SLC25A51: variants seen among roughly 807,000 people sequenced by gnomAD.
SLC25A51 encodes mitochondrial nicotinamide adenine dinucleotide transporter SLC25A51.
In SLC25A51, 11 loss-of-function variants were observed where a neutral mutation model predicts 19.1. That is an observed-to-expected ratio of 0.58 (90% CI 0.36 to 0.96). SLC25A51 has a LOEUF of 0.96. Ranked by LOEUF, SLC25A51 falls within the 40% of genes least tolerant of loss-of-function variation. The pLI is 0.01. For missense variants in SLC25A51, 201 were observed against 365.4 expected (o/e 0.55, Z 3.67); for synonymous variants, 105 against 133.6 (o/e 0.79, Z 1.47).
chr9:37,898,781 CTG>C (rs796839133), intron 2 of SLC25A51, among the ~76,000 whole-genome samples: 5 of 152,140 alleles, frequency 3.3e-5, no homozygotes, highest in African/African-American at 9.6e-5. Flanking sequence ...ATAAGTCAAA[CTG>C]AGAGAATTTT....
In SLC25A51 at chr9:37,901,177, A is replaced by T. The variant is rs7860839; in HGVS notation, c.-164-1227T>A. On this transcript the variant is annotated intron_variant, in intron 1 of 2. Coordinates refer to ENST00000242275, the MANE Select transcript of SLC25A51 (RefSeq NM_033412.4). ...CATGCTCACCTAGTTTAAAAAAAAA[A>T]TTTTTTTTTTGAGACAGAGTCTCAC... Among the ~76,000 whole-genome samples the T allele has an allele frequency of 5.6e-3, 828 of 148,318 alleles. 6 individuals carry two copies. Among genetic ancestry groups the T allele is most frequent in the African/African-American group, 0.019 (781 of 40,266 alleles).
exon 4 of SLC25A51, chr9:37,880,058 G>T (rs1013225680): frequency 6.6e-6 from 1 of 152,348 alleles, no homozygotes; most frequent in Non-Finnish European, 1.5e-5. Context: ...GGCGGCTCAC[G>T]CCTGTAATCC....
At chr9:37,900,508 C>A (rs1276513320) in intron 1 of SLC25A51, among the ~76,000 whole-genome samples, 2 of 151,886 alleles carry the variant, frequency 1.3e-5, no homozygotes, top group South Asian at 2.1e-4. Flanking sequence ...TACGGTGGTA[C>A]GATCATGGCT....
chr9:37,893,419 A>G (rs1831642192), intron 2 of SLC25A51, among the ~76,000 whole-genome samples: 2 of 152,186 alleles, frequency 1.3e-5, no homozygotes, highest in South Asian at 4.1e-4. Context: ...CTGCAGGCCC[A>G]AAGTCTACCC....
At chr9:37,902,634 T>A (rs919375693) in intron 1 of SLC25A51, among the ~76,000 whole-genome samples, 1 of 152,268 alleles carries the variant, frequency 6.6e-6, no homozygotes, top group Admixed American at 6.5e-5. Flanking sequence ...TATATTTTTA[T>A]TCATTAATGT....
downstream of SLC25A51, chr9:37,885,735 C>T (rs190963078): frequency 9.6e-6 from 14 of 1,458,860 alleles, no homozygotes; most frequent in South Asian, 2.3e-5. Context: ...GATGAAGAAC[C>T]GCAGATCCAT....
intron 2 of SLC25A51, among the ~76,000 whole-genome samples, chr9:37,897,562 T>C (rs78762428): frequency 0.023 from 3,528 of 152,084 alleles, 55 homozygotes; most frequent in Non-Finnish European, 0.035. Flanking sequence ...TCTTTTATAA[T>C]ATGTGTAATT....
chr9:37,888,531 T>C lies in SLC25A51; in HGVS notation c.20A>G (p.His7Arg). The part of the protein sequence containing the change: MMDSEA[H>R]EKRPPILTSS... ...TGTTAGTATTGGTGGCCTCTTTTCATGAGCTTCTGAATCCATCATGCTGCT... is the reference window on the plus strand; with the variant it reads ...TGTTAGTATTGGTGGCCTCTTTTCACGAGCTTCTGAATCCATCATGCTGCT... The change falls in exon 3 of 3, where the codon CAT (histidine) becomes CGT (arginine). Residue 7 changes from histidine to arginine, a missense_variant. Coordinates refer to ENST00000242275, the MANE Select transcript of SLC25A51 (RefSeq NM_033412.4). The C allele has an allele frequency of 1.9e-6, 3 of 1,609,040 alleles. No homozygotes were observed. Among genetic ancestry groups the C allele is most frequent in the African/African-American group, 1.3e-5 (1 of 74,730 alleles).
chr9:37,878,799 T>A (rs1831299156), downstream of SLC25A51: 1 of 157,054 alleles, frequency 6.4e-6, no homozygotes. Context: ...ATCATACTTT[T>A]AAAAATGTTA....
At chr9:37,881,840 G>A (rs1298841144) in intron 2 of SLC25A51, among the ~76,000 whole-genome samples, 1 of 152,046 alleles carries the variant, frequency 6.6e-6, no homozygotes, top group African/African-American at 2.4e-5. Context: ...CCACAAAAAA[G>A]GAACGTGCCA....
chr9:37,889,604 G>A (rs559510578), intron 2 of SLC25A51, among the ~76,000 whole-genome samples: 1 of 151,450 alleles, frequency 6.6e-6, no homozygotes, highest in Admixed American at 6.6e-5. Flanking sequence ...GTTCTGTTCA[G>A]GGCACAGCTA....
chr9:37,878,027 A>AAATG (rs1398204589), downstream of SLC25A51: 2 of 152,332 alleles, frequency 1.3e-5, no homozygotes, highest in Non-Finnish European at 2.9e-5. Flanking sequence ...ATAAATAAAT[A>AAATG]AATAAAGCAA....
chr9:37,901,026 C>T (rs539439928), intron 1 of SLC25A51, among the ~76,000 whole-genome samples: 1 of 152,084 alleles, frequency 6.6e-6, no homozygotes, highest in Non-Finnish European at 1.5e-5. Flanking sequence ...CCACCAAGCC[C>T]AGCTAATTTT....
intron 2 of SLC25A51, among the ~76,000 whole-genome samples, chr9:37,890,591 A>G (rs1029215701): frequency 1.1e-4 from 17 of 151,702 alleles, no homozygotes; most frequent in African/African-American, 4.1e-4. Context: ...AGCTACTGGG[A>G]AGGTGGAGGG....
intron 3 of SLC25A51, chr9:37,880,791 G>C (rs1050135373): frequency 6.6e-6 from 1 of 152,118 alleles, no homozygotes; most frequent in African/African-American, 2.4e-5. Context: ...ATTTAAGATG[G>C]GAACCAGTCT....
intron 1 of SLC25A51, among the ~76,000 whole-genome samples, chr9:37,900,963 TCAAG>T (rs1275811095): frequency 6.6e-6 from 1 of 152,054 alleles, no homozygotes; most frequent in Non-Finnish European, 1.5e-5. Context: ...CCTCCTGGGC[TCAAG>T]CAATCCTTCC....
chr9:37,900,022 G>C (rs55910458), intron 1 of SLC25A51, 72 bp from the exon 2 acceptor site: 1 of 34,582 alleles, frequency 2.9e-5, no homozygotes, highest in Non-Finnish European at 5.4e-5. Context: ...TTTTTTTGTA[G>C]AGACAGGGTC....
intron 2 of SLC25A51, among the ~76,000 whole-genome samples, chr9:37,890,486 A>C (rs1314744975): frequency 6.6e-6 from 1 of 152,134 alleles, no homozygotes; most frequent in African/African-American, 2.4e-5. Flanking sequence ...GGAGGATTGC[A>C]TGAGGCCACA....
intron 2 of SLC25A51, among the ~76,000 whole-genome samples, chr9:37,888,874 G>A (rs1350464967): frequency 6.6e-6 from 1 of 152,124 alleles, no homozygotes; most frequent in African/African-American, 2.4e-5. Context: ...CAGCAAACAG[G>A]AAACTCCATC....
Sources: gnomAD v4.1 joint callset for allele counts (sites outside exome capture counted in the v4.1 genomes callset) on GRCh38, gnomAD v4.1.1 for gene constraint, MANE v1.5 for transcripts, NCBI Gene and HGNC (gene_info 2026-07-23, HGNC 2026-07-21) for gene names.